Variants in GNA11 observed in about 807,000 individuals in gnomAD.
GNA11 encodes the protein G protein subunit alpha 11.
A neutral mutation model predicts 38.2 loss-of-function variants in GNA11; 8 were observed. The observed-to-expected ratio is 0.21, with a 90% CI of 0.12 to 0.38. The LOEUF is 0.38. Among genes scored for constraint, GNA11 ranks in the 10% least tolerant of loss-of-function variants. GNA11 has a pLI of 1.00. For missense variants in GNA11, 268 were observed against 516.3 expected, an observed-to-expected ratio of 0.52 and a Z score of 4.66; for synonymous variants, 211 against 221.4, an observed-to-expected ratio of 0.95 and a Z score of 0.42.
At position 3,113,352 on chromosome 19, in the gene GNA11, A is replaced by C; in HGVS notation, c.344A>C (p.Glu115Ala). The change falls in exon 3 of 7, where the codon GAG (glutamate) becomes GCG (alanine). Residue 115 changes from glutamate to alanine, a missense_variant. Physicochemically the swap from Glu to Ala is moderately radical, Grantham distance 107. Coordinates refer to ENST00000078429, the MANE Select transcript of GNA11 (RefSeq NM_002067.5). ...QNKANALLIR[E>A]VDVEKVTTFE... ...CAGGCCAATGCGCTCCTGATCCGGG[A>C]GGTGGACGTGGAGAAGGTGACCACC... 6.2e-7 allele frequency: 1 copy of C among 1,613,326 alleles called. No homozygotes were observed. Among genetic ancestry groups the C allele is most frequent in the Non-Finnish European group, 8.5e-7 (1 of 1,179,892 alleles).
chr19:3,114,297 C>A (rs1016854500), intron 3 of GNA11, among the ~76,000 whole-genome samples: 43 of 152,202 alleles, frequency 2.8e-4, no homozygotes, highest in African/African-American at 1.0e-3. Context: ...CGAGGGGCGC[C>A]CCACTCAGGA....
At chr19:3,100,183 C>T (rs902178665) in intron 1 of GNA11, among the ~76,000 whole-genome samples, 7 of 152,170 alleles carry the variant, frequency 4.6e-5, no homozygotes, top group African/African-American at 1.7e-4. Context: ...AGCCTCGGCT[C>T]CGTGGGTGTT....
Position 3,122,152 on chromosome 19 carries a change from G to A in GNA11, c.*973G>A. On this transcript the variant is annotated 3_prime_UTR_variant, in exon 7 of 7. Transcript: ENST00000078429. This position sits in a 1 kb window ranked among gnomAD's most constrained non-coding sequence, Gnocchi z 7.7. ...CTGGGAGAAAGGCCACTTGGATGGG[G>A]GCGTTTCTGTTTTGTTCCGCTTTGT... The A allele has an allele frequency of 8.6e-6, 2 of 233,318 alleles. No homozygotes were observed. Among genetic ancestry groups the A allele is most frequent in the Non-Finnish European group, 1.7e-5 (2 of 117,784 alleles). 14.5% of individuals were successfully genotyped at this position (233,318 alleles called of 1,614,324 possible).
intron 1 of GNA11, among the ~76,000 whole-genome samples, chr19:3,103,519 C>CTTTTTTGTT (rs1913556352): frequency 2.2e-5 from 1 of 45,800 alleles, no homozygotes; most frequent in Non-Finnish European, 4.0e-5. Flanking sequence ...GGCCTTGAAT[C>CTTTTTTGTT]TTTTTTTTTT....
rs755663461 is a variant in GNA11 at position 3,110,204 on chromosome 19, C to T, written c.192C>T (p.Gly64=). 85 of 1,613,478 alleles carry T rather than the reference C, an allele frequency of 5.3e-5. No homozygotes were observed. Among genetic ancestry groups the T allele is most frequent in the Middle Eastern group, 1.6e-4 (1 of 6,078 alleles). The change falls in exon 2 of 7, where the codon GGC becomes GGT. Residue 64 remains glycine (G), a synonymous_variant. Coordinates refer to ENST00000078429, the MANE Select transcript of GNA11 (RefSeq NM_002067.5). The surrounding 1 kb of genome is among the most constrained non-coding windows in gnomAD (Gnocchi z 5.4). ...TFIKQMRIIH[G]AGYSEEDKRG... Reference sequence around the variant, plus strand: ...TCAAGCAGATGCGCATCATCCACGGCGCCGGCTACTCGGAGGAGGACAAGC... The same window carrying T: ...TCAAGCAGATGCGCATCATCCACGGTGCCGGCTACTCGGAGGAGGACAAGC...
In GNA11 at chr19:3,113,501, C is replaced by G; in HGVS notation, c.476+17C>G. On this transcript the variant is annotated intron_variant, in intron 3 of 6. Coordinates refer to ENST00000078429, the MANE Select transcript of GNA11 (RefSeq NM_002067.5). The stretch of plus-strand genomic sequence containing the variant: ...TGCCAAGTAGTAAGTGCGGCCGCAC[C>G]GCTGGCGGCCTGGGGACGGCAGCTG... The G allele has an allele frequency of 6.5e-7, 1 of 1,544,298 alleles. No individual in the cohort carries two copies. The highest frequency in any genetic ancestry group is 8.8e-7 in the Non-Finnish European group (1 of 1,142,412).
intron 1 of GNA11, among the ~76,000 whole-genome samples, chr19:3,101,983 C>A (rs904479634): frequency 6.6e-6 from 1 of 152,148 alleles, no homozygotes; most frequent in Admixed American, 6.5e-5. Flanking sequence ...GTAGTCCCAG[C>A]TACCTGGGTG....
chr19:3,103,857 T>G (rs1314575146), intron 1 of GNA11, among the ~76,000 whole-genome samples: 2 of 151,820 alleles, frequency 1.3e-5, no homozygotes, highest in Non-Finnish European at 2.9e-5. Flanking sequence ...GGCTAATTTT[T>G]TGTAGTTTTA....
chr19:3,115,233 A>G (rs1446775603), intron 4 of GNA11, 161 bp downstream of exon 4: 19 of 724,954 alleles, frequency 2.6e-5, no homozygotes, highest in Non-Finnish European at 3.8e-5. Flanking sequence ...GCCAGACCTC[A>G]TATCTAAAAA....
At chr19:3,104,798 GGCAGAGCCACC>G (rs1913598067) in intron 1 of GNA11, among the ~76,000 whole-genome samples, 1 of 152,220 alleles carries the variant, frequency 6.6e-6, no homozygotes, top group African/African-American at 2.4e-5. Flanking sequence ...AGGAGGGAAT[GGCAGAGCCACC>G]CTCAAAGGGC....
At chr19:3,099,876 ACT>A (rs752871184) in intron 1 of GNA11, among the ~76,000 whole-genome samples, 121 of 151,450 alleles carry the variant, frequency 8.0e-4, no homozygotes, top group Non-Finnish European at 1.3e-3. Flanking sequence ...GCCTGGGGAG[ACT>A]CAGGTTCAGA....
At chr19:3,106,545 A>G (rs1177196946) in intron 1 of GNA11, among the ~76,000 whole-genome samples, 1 of 152,004 alleles carries the variant, frequency 6.6e-6, no homozygotes, top group Non-Finnish European at 1.5e-5. Flanking sequence ...GTGGCCCAGA[A>G]CTCCTGCTGG....
chr19:3,104,346 A>G (rs984185937), intron 1 of GNA11, among the ~76,000 whole-genome samples: 2 of 151,884 alleles, frequency 1.3e-5, no homozygotes, highest in African/African-American at 4.8e-5. Context: ...CAGTGGGCGG[A>G]CTCTGGCCCC....
intron 3 of GNA11, among the ~76,000 whole-genome samples, chr19:3,114,255 C>A (rs1283780700): frequency 1.3e-5 from 2 of 152,180 alleles, no homozygotes; most frequent in Admixed American, 6.5e-5. Context: ...AGGCACCCGG[C>A]CTCTTACAAC....
Position 3,094,559 on chromosome 19 carries a change from G to A in GNA11, c.-93G>A. On this transcript the variant is annotated 5_prime_UTR_variant, in exon 1 of 7. Coordinates refer to ENST00000078429, the MANE Select transcript of GNA11 (RefSeq NM_002067.5). The surrounding 1 kb of genome is among the most constrained non-coding windows in gnomAD (Gnocchi z 6.0). ...CCGGTGGCCGAGGCCGGAGGGCCGC[G>A]GCGGGCGGCGGCCGAGGCGGCTCCG... The A allele has an allele frequency of 2.1e-6, 1 of 482,716 alleles. No homozygotes were observed. Among genetic ancestry groups the A allele is most frequent in the Non-Finnish European group, 2.7e-6 (1 of 375,240 alleles). 29.9% of individuals were successfully genotyped at this position (482,716 alleles called of 1,614,324 possible).
At position 3,119,870 on chromosome 19, in the gene GNA11, C is replaced by T. The variant is rs1220924717; in HGVS notation, c.889+511C>T. ...TCCTCTGTGCCCTACTGCCCCCACC[C>T]TCGGACCCGTCCCTCCCTACGTGGC... On this transcript the variant is annotated intron_variant, in intron 6 of 6. Coordinates refer to ENST00000078429, the MANE Select transcript of GNA11 (RefSeq NM_002067.5). The surrounding 1 kb of genome is among the most constrained non-coding windows in gnomAD (Gnocchi z 4.6). 6.6e-6 allele frequency among the ~76,000 whole-genome samples: 1 copy of T among 152,038 alleles called. No individual in the cohort carries two copies. Among genetic ancestry groups the T allele is most frequent in the Non-Finnish European group, 1.5e-5 (1 of 67,980 alleles).
rs1913671002 is a variant in GNA11 at position 3,107,637 on chromosome 19, C to T, written c.137-2512C>T. On this transcript the variant is annotated intron_variant, in intron 1 of 6. Transcript: ENST00000078429. ...TCTTTTGTAATAGCATTTTGTTAGA[C>T]ATAGAGTCTCATCTGGGGGCAGTCT... 2.6e-5 allele frequency among the ~76,000 whole-genome samples: 4 copies of T among 152,270 alleles called. No homozygotes were observed. In the South Asian group the frequency reaches 8.3e-4, roughly 32 times the overall value.
intron 3 of GNA11, among the ~76,000 whole-genome samples, chr19:3,114,619 C>T (rs1006700260): frequency 1.3e-5 from 2 of 152,208 alleles, no homozygotes; most frequent in African/African-American, 4.8e-5. Flanking sequence ...GTCACCGTCT[C>T]CCTCCTTGGT....
At chr19:3,112,283 C>T (rs1913792557) in intron 2 of GNA11, among the ~76,000 whole-genome samples, 1 of 152,148 alleles carries the variant, frequency 6.6e-6, no homozygotes. Context: ...AGGCTGGGGG[C>T]AGGGCAAGGG....
Sources: allele counts gnomAD v4.1 joint callset (sites outside exome capture counted in the v4.1 genomes callset), GRCh38; gene constraint gnomAD v4.1.1; non-coding constraint Gnocchi (gnomAD v3.1); transcripts MANE v1.5; gene names NCBI Gene and HGNC (gene_info 2026-07-23, HGNC 2026-07-21).